Variants in ZDHHC14 observed in about 807,000 individuals in gnomAD.
ZDHHC14 encodes the protein palmitoyltransferase ZDHHC14.
A neutral mutation model predicts 47.7 loss-of-function variants in ZDHHC14; 16 were observed. The observed-to-expected ratio is 0.34, with a 90% CI of 0.23 to 0.51. The LOEUF (loss-of-function observed/expected upper bound fraction) is 0.51. Among genes scored for constraint, ZDHHC14 ranks in the 20% least tolerant of loss-of-function variants. The probability of loss-of-function intolerance (pLI) is 0.97; values close to 1 mark genes in which losing one functional copy is unlikely to be tolerated. For synonymous variants in ZDHHC14, 293 were observed against 278.9 expected (o/e 1.05, Z -0.50); for missense variants, 515 against 662.5 (o/e 0.78, Z 2.44).
chr6:157,632,545 AC>A (rs1785791599), intron 4 of ZDHHC14: 1 of 446,094 alleles, frequency 2.2e-6, no homozygotes, highest in Admixed American at 3.4e-5. Context: ...AATGAGGAAA[AC>A]AAAGGAGTCA....
chr6:157,398,070 C>G (rs1777558854), intron 1 of ZDHHC14, among the ~76,000 whole-genome samples: 1 of 149,248 alleles, frequency 6.7e-6, no homozygotes, highest in Non-Finnish European at 1.5e-5. Flanking sequence ...AGCTCCCCAG[C>G]TCCCCAGCTC....
chr6:157,397,225 C>T (rs556762181), intron 1 of ZDHHC14, among the ~76,000 whole-genome samples: 1 of 152,198 alleles, frequency 6.6e-6, no homozygotes, highest in East Asian at 1.9e-4. Context: ...GAGTTGTTCT[C>T]CTTACTTCCC....
In ZDHHC14 at chr6:157,672,820, C is replaced by A. The variant is rs1163523011; in HGVS notation, c.1165C>A (p.Leu389Met). The change falls in exon 9 of 9, where the codon CTG (leucine) becomes ATG (methionine). Residue 389 changes from leucine to methionine, a missense_variant. Coordinates refer to ENST00000359775, the MANE Select transcript of ZDHHC14 (RefSeq NM_024630.3). ...CGAGCCCAGCCTCACCAGCGACGAG[C>A]TGCACCTGCCCGGGAAGCCTGGCCT... ...QSEPSLTSDE[L>M]HLPGKPGLGT... The A allele has an allele frequency of 1.2e-6, 2 of 1,612,362 alleles. No homozygotes were observed. The highest frequency in any genetic ancestry group is 2.2e-5 in the East Asian group (1 of 44,850).
At chr6:157,423,446 A>G (rs904757694) in intron 1 of ZDHHC14, among the ~76,000 whole-genome samples, 3 of 152,214 alleles carry the variant, frequency 2.0e-5, no homozygotes, top group Non-Finnish European at 4.4e-5. Flanking sequence ...CATTATCCCT[A>G]GGGAAGCAGA....
rs868862283 is a variant in ZDHHC14, at chr6:157,522,890, A to T, written c.246-19695A>T. 8.2e-4 allele frequency among the ~76,000 whole-genome samples: 21 copies of T among 25,706 alleles called. 7 individuals carry two copies. The highest frequency in any genetic ancestry group is 6.3e-3 in the African/African-American group (20 of 3,164). 16.9% of individuals were successfully genotyped at this position (25,706 alleles called of 152,430 possible). A position where few individuals can be genotyped will look rare whatever the true frequency, so the allele number is the denominator to read the frequency against. ...CCTTGCTCCCTCCCATCTTCCTACC[A>T]TCCTTCCTTCCTTCCTTCCTTCCTT... is the stretch of plus-strand genomic sequence containing the variant. On this transcript the variant is annotated intron_variant, in intron 1 of 8. Transcript: ENST00000359775.
At chr6:157,419,597 A>G (rs1397270491) in intron 1 of ZDHHC14, among the ~76,000 whole-genome samples, 8 of 152,142 alleles carry the variant, frequency 5.3e-5, no homozygotes, top group Non-Finnish European at 8.8e-5. Flanking sequence ...TCACTTAACC[A>G]TGTGCATCCA....
At position 157,636,327 on chromosome 6, in the gene ZDHHC14, GGA is replaced by G. The variant is rs1422548358; in HGVS notation, c.752+3446_752+3447del. ...ACACACATATATAAGGACTATATAA[GGA>G]TATATAAGTGTGTGTGTGTGTGTGT... On this transcript the variant is annotated intron_variant, in intron 5 of 8. Transcript: ENST00000359775. Among the ~76,000 whole-genome samples, 5 of 95,036 alleles carry G rather than the reference GGA, an allele frequency of 5.3e-5. No homozygotes were observed. The East Asian group carries it at 2.0e-3, about 37-fold the overall frequency. The allele number at this position is 95,036 out of a possible 152,430, so 62.3% of individuals were successfully genotyped here.
At chr6:157,589,984 C>G (rs1783846950) in intron 2 of ZDHHC14, among the ~76,000 whole-genome samples, 1 of 152,176 alleles carries the variant, frequency 6.6e-6, no homozygotes, top group Admixed American at 6.5e-5. Flanking sequence ...AGATGAGAAA[C>G]TTCTTGGAAA....
At chr6:157,614,121 G>A (rs577081010) in intron 3 of ZDHHC14, among the ~76,000 whole-genome samples, 4 of 152,248 alleles carry the variant, frequency 2.6e-5, no homozygotes, top group Admixed American at 1.3e-4. Context: ...TGAAGACACC[G>A]CAGCTCTTGG....
chr6:157,419,949 T>A (rs1219422109), intron 1 of ZDHHC14, among the ~76,000 whole-genome samples: 2 of 152,250 alleles, frequency 1.3e-5, no homozygotes, highest in South Asian at 2.1e-4. Flanking sequence ...TGTCAGCATT[T>A]GGTGTTGTCA....
intron 1 of ZDHHC14, among the ~76,000 whole-genome samples, chr6:157,533,156 A>G (rs1781424527): frequency 6.6e-6 from 1 of 152,130 alleles, no homozygotes; most frequent in Non-Finnish European, 1.5e-5. Flanking sequence ...TCTTCATTTC[A>G]TCTAACAAAT....
At chr6:157,666,013 A>C (rs1384029720) in intron 8 of ZDHHC14, among the ~76,000 whole-genome samples, 2 of 152,172 alleles carry the variant, frequency 1.3e-5, no homozygotes, top group African/African-American at 4.8e-5. Context: ...TTCCCTCATT[A>C]TTGGCTTTTA....
At chr6:157,472,231 T>C (rs370043961) in intron 1 of ZDHHC14, among the ~76,000 whole-genome samples, 5 of 151,950 alleles carry the variant, frequency 3.3e-5, no homozygotes, top group Admixed American at 1.3e-4. Context: ...AGCTACAGGG[T>C]AAAAACGGGT....
intron 1 of ZDHHC14, among the ~76,000 whole-genome samples, chr6:157,409,781 G>T (rs1777836367): frequency 6.6e-6 from 1 of 152,050 alleles, no homozygotes; most frequent in Admixed American, 6.5e-5. Flanking sequence ...CATGAGGAGA[G>T]GTTGGTCTTC....
chr6:157,550,863 A>G (rs1209324412), intron 2 of ZDHHC14, among the ~76,000 whole-genome samples: 1 of 152,240 alleles, frequency 6.6e-6, no homozygotes, highest in Non-Finnish European at 1.5e-5. Flanking sequence ...GATGGCGTAC[A>G]GCAATGTTGA....
At position 157,511,547 on chromosome 6, in the gene ZDHHC14, C is replaced by CTTTTTTTTTTTTTTTTTT. The variant is rs34988240; in HGVS notation, c.246-31037_246-31020dup. 3.8e-4 allele frequency among the ~76,000 whole-genome samples: 44 copies of CTTTTTTTTTTTTTTTTTT among 114,874 alleles called. 1 individual carries two copies. Among genetic ancestry groups the CTTTTTTTTTTTTTTTTTT allele is most frequent in the African/African-American group, 1.1e-3 (29 of 26,718 alleles). 75.4% of individuals were successfully genotyped at this position (114,874 alleles called of 152,430 possible). ...AGGCATGCGCCACGAAGCCCGGGTA[C>CTTTTTTTTTTTTTTTTTT]TTTTTTTTTTTTTTTTTTGTATTTT... On this transcript the variant is annotated intron_variant, in intron 1 of 8. Coordinates refer to ENST00000359775, the MANE Select transcript of ZDHHC14 (RefSeq NM_024630.3).
At chr6:157,666,039 G>A (rs1778540563) in intron 8 of ZDHHC14, among the ~76,000 whole-genome samples, 1 of 152,116 alleles carries the variant, frequency 6.6e-6, no homozygotes, top group Admixed American at 6.5e-5. Context: ...AGCTAACATT[G>A]AAGTTCTATC....
intron 1 of ZDHHC14, among the ~76,000 whole-genome samples, chr6:157,479,063 A>G (rs559574880): frequency 2.6e-4 from 39 of 152,286 alleles, no homozygotes; most frequent in African/African-American, 8.9e-4. Flanking sequence ...AATCCTCACT[A>G]TCACCCACCT....
intron 2 of ZDHHC14, among the ~76,000 whole-genome samples, chr6:157,576,081 C>T (rs1455103778): frequency 6.6e-6 from 1 of 152,206 alleles, no homozygotes; most frequent in East Asian, 1.9e-4. Flanking sequence ...CAGGTGCTGC[C>T]TGCATGTGGC....
Sources: gnomAD v4.1 joint callset for allele counts (sites outside exome capture counted in the v4.1 genomes callset) on GRCh38, gnomAD v4.1.1 for gene constraint, MANE v1.5 for transcripts, NCBI Gene and HGNC (gene_info 2026-07-23, HGNC 2026-07-21) for gene names.